The following MAP2 variants were observed in gnomAD, a reference collection of about 807,000 sequenced individuals.
MAP2 encodes microtubule-associated protein 2.
In MAP2, 14 loss-of-function variants were observed where a neutral mutation model predicts 137.6. That is an observed-to-expected ratio of 0.10 (90% CI 0.07 to 0.16). The LOEUF is 0.16. MAP2 is among the 10% of genes least tolerant of loss of function. MAP2 has a pLI of 1.00. For missense variants in MAP2, 2,088 were observed against 2,191.5 expected (o/e 0.95, Z 0.94); for synonymous variants, 786 against 782.3 (o/e 1.00, Z -0.08).
chr2:209,589,223 C>T (rs1168470502), intron 3 of MAP2, among the ~76,000 whole-genome samples: 1 of 151,916 alleles, frequency 6.6e-6, no homozygotes, highest in Non-Finnish European at 1.5e-5. Flanking sequence ...TTTTCTAAGA[C>T]GTGGTGTTCC....
At chr2:209,527,815 T>A (rs2064308707) in intron 2 of MAP2, among the ~76,000 whole-genome samples, 1 of 152,204 alleles carries the variant, frequency 6.6e-6, no homozygotes, top group South Asian at 2.1e-4. Flanking sequence ...AATGTGTGGC[T>A]GCAGCTCGGT....
At chr2:209,547,575 G>C (rs930756227) in intron 2 of MAP2, among the ~76,000 whole-genome samples, 2 of 152,122 alleles carry the variant, frequency 1.3e-5, no homozygotes, top group African/African-American at 4.8e-5. Context: ...TATCAATATT[G>C]AAGGTTCTGG....
chr2:209,539,795 A>G lies in MAP2; in HGVS notation c.-172+32154A>G, dbSNP rs964633581. Among the ~76,000 whole-genome samples, 3 of 151,930 alleles carry G rather than the reference A, an allele frequency of 2.0e-5. No homozygotes were observed. The South Asian group carries it at 6.2e-4, about 32-fold the overall frequency. On this transcript the variant is annotated intron_variant, in intron 2 of 15. Transcript: ENST00000682079. ...AAGACTCATTTGTTTTTTGGCTCAA[A>G]CCACATAAAAGTCACTTTCGTGCTG...
At chr2:209,454,257 C>A (rs1701005580) in intron 1 of MAP2, among the ~76,000 whole-genome samples, 1 of 150,812 alleles carries the variant, frequency 6.6e-6, no homozygotes, top group Non-Finnish European at 1.5e-5. Context: ...AAAAAGGAAT[C>A]ATTCTTCTTT....
At position 209,443,632 on chromosome 2, in the gene MAP2, C is replaced by A. The variant is rs778745832; in HGVS notation, c.-222+19356C>A. Among the ~76,000 whole-genome samples the A allele has an allele frequency of 2.0e-5, 3 of 151,596 alleles. No individual in the cohort carries two copies. The Admixed American group carries it at 2.0e-4, about 10-fold the overall frequency. ...CCCTATCCTGGATAAACTAAAGACTCAACCTCAGTTTCTTCACTTCGGCCA... is the reference window on the plus strand; with the variant it reads ...CCCTATCCTGGATAAACTAAAGACTAAACCTCAGTTTCTTCACTTCGGCCA... On this transcript the variant is annotated intron_variant, in intron 1 of 15. Transcript: ENST00000682079.
chr2:209,546,586 A>C (rs767479920), intron 2 of MAP2, among the ~76,000 whole-genome samples: 13 of 152,148 alleles, frequency 8.5e-5, no homozygotes, highest in Non-Finnish European at 1.6e-4. Context: ...AGTGCATATC[A>C]AAAAGGATAT....
intron 7 of MAP2, among the ~76,000 whole-genome samples, chr2:209,685,370 C>T (rs1425622136): frequency 1.3e-5 from 2 of 152,116 alleles, no homozygotes; most frequent in African/African-American, 4.8e-5. Flanking sequence ...TCCAGATGCA[C>T]CTGCCATACA....
chr2:209,522,153 T>C (rs1302895989), intron 2 of MAP2, among the ~76,000 whole-genome samples: 2 of 152,070 alleles, frequency 1.3e-5, no homozygotes, highest in Non-Finnish European at 2.9e-5. Context: ...CTTTTTTTTT[T>C]CCACCAGCTA....
intron 2 of MAP2, among the ~76,000 whole-genome samples, chr2:209,525,536 G>A (rs1202704940): frequency 1.3e-5 from 2 of 152,132 alleles, no homozygotes; most frequent in Non-Finnish European, 2.9e-5. Context: ...GACAAAGCAA[G>A]CCCATTCCTG....
chr2:209,605,469 A>G (rs1439142034), intron 3 of MAP2, among the ~76,000 whole-genome samples: 2 of 152,176 alleles, frequency 1.3e-5, no homozygotes, highest in African/African-American at 4.8e-5. Flanking sequence ...GGTTATTATA[A>G]CTATGAATAG....
At chr2:209,651,927 G>A (rs949952028) in intron 4 of MAP2, among the ~76,000 whole-genome samples, 1 of 152,210 alleles carries the variant, frequency 6.6e-6, no homozygotes, top group Non-Finnish European at 1.5e-5. Context: ...ACAGAGCTTG[G>A]TAGTAAGAAG....
Position 209,710,244 on chromosome 2 carries a change from A to C in MAP2, c.5063A>C (p.Lys1688Thr). The change falls in exon 13 of 16, where the codon AAA becomes ACA. Residue 1688 changes from lysine to threonine, a missense_variant. Physicochemically the swap from Lys to Thr is moderately conservative, Grantham distance 78 (BLOSUM62 -1). This residue lies in a region of MAP2 where 112 missense variants were observed against 201.0 expected (regional missense o/e 0.56). Coordinates refer to ENST00000682079, the MANE Select transcript of MAP2 (RefSeq NM_001375505.1). The part of the protein sequence containing the change: ...GSTDNIKYQP[K>T]GGQVQIVTKK... ...ACAGACAACATCAAATACCAGCCTA[A>C]AGGGGGGCAGGTAAGAATTGCATGA... 6.4e-7 allele frequency: 1 copy of C among 1,573,496 alleles called. No individual in the cohort carries two copies. The highest frequency in any genetic ancestry group is 8.6e-7 in the Non-Finnish European group (1 of 1,158,260).
intron 4 of MAP2, among the ~76,000 whole-genome samples, chr2:209,649,290 T>C (rs892774288): frequency 6.6e-6 from 1 of 152,152 alleles, no homozygotes; most frequent in African/African-American, 2.4e-5. Context: ...GTGCTGGGAT[T>C]ACAGGCAAGA....
At chr2:209,555,288 TA>T (rs1227523637) in intron 2 of MAP2, among the ~76,000 whole-genome samples, 1 of 152,166 alleles carries the variant, frequency 6.6e-6, no homozygotes, top group Non-Finnish European at 1.5e-5. Flanking sequence ...TTATTACACT[TA>T]AAAAATGCAC....
rs1032896600 is a variant in MAP2 at position 209,675,634 on chromosome 2, A to G, written c.263-2938A>G. 3.9e-5 allele frequency among the ~76,000 whole-genome samples: 6 copies of G among 151,972 alleles called. No individual in the cohort carries two copies. The East Asian group carries it at 9.7e-4, about 24-fold the overall frequency. ...GTATTAAATCCACCTCTCCTTTTTT[A>G]TTAGCTCTCAACACTTAAATAATTC... On this transcript the variant is annotated intron_variant, in intron 5 of 15. Coordinates refer to ENST00000682079, the MANE Select transcript of MAP2 (RefSeq NM_001375505.1).
chr2:209,481,022 T>A (rs1708621591), intron 1 of MAP2, among the ~76,000 whole-genome samples: 2 of 152,174 alleles, frequency 1.3e-5, no homozygotes, highest in African/African-American at 4.8e-5. Context: ...TACAAGATTG[T>A]TACATGTAGT....
At position 209,732,756 on chromosome 2, in the gene MAP2, C is replaced by T. The variant is rs1362084517; in HGVS notation, c.*2359C>T. 6.6e-6 allele frequency: 1 copy of T among 152,480 alleles called. No homozygotes were observed. The highest frequency in any genetic ancestry group is 1.5e-5 in the Non-Finnish European group (1 of 68,006). 9.4% of individuals were successfully genotyped at this position (152,480 alleles called of 1,614,324 possible). ...ACTAGAAGTCAGTTTATTACAAATA[C>T]ATGTCAAAAATAAAGATTATACAAG... On this transcript the variant is annotated 3_prime_UTR_variant, in exon 16 of 16. Coordinates refer to ENST00000682079, the MANE Select transcript of MAP2 (RefSeq NM_001375505.1).
intron 1 of MAP2, among the ~76,000 whole-genome samples, chr2:209,473,986 T>G (rs561012368): frequency 6.6e-6 from 1 of 152,366 alleles, no homozygotes; most frequent in South Asian, 2.1e-4. Flanking sequence ...TCTATTTCTG[T>G]GTGGTTTCAC....
intron 1 of MAP2, among the ~76,000 whole-genome samples, chr2:209,491,537 T>C (rs963737332): frequency 4.6e-5 from 7 of 151,948 alleles, no homozygotes; most frequent in Non-Finnish European, 8.8e-5. Flanking sequence ...ATTAACAAAA[T>C]ACATAGACCA....
Sources: gnomAD v4.1 joint callset for allele counts (sites outside exome capture counted in the v4.1 genomes callset) on GRCh38, gnomAD v4.1.1 for gene constraint, gnomAD v4.1.1 regional missense constraint, MANE v1.5 for transcripts, NCBI Gene and HGNC (gene_info 2026-07-23, HGNC 2026-07-21) for gene names.